PDE4D: variants seen among roughly 807,000 people sequenced by gnomAD.
PDE4D encodes 3',5'-cyclic-AMP phosphodiesterase 4D.
A neutral mutation model predicts 87.4 loss-of-function variants in PDE4D; 24 were observed. The ratio of observed to expected loss-of-function variants is 0.27; its 90% CI spans 0.20 to 0.39. PDE4D has a LOEUF of 0.39. Among genes scored for constraint, PDE4D ranks in the 10% least tolerant of loss-of-function variants. The pLI is 1.00. For missense variants in PDE4D, 714 were observed against 1,041.0 expected, an observed-to-expected ratio of 0.69 and a Z score of 4.32; for synonymous variants, 384 against 383.2, an observed-to-expected ratio of 1.00 and a Z score of -0.02.
chr5:59,141,554 C>T (rs1581026463), intron 5 of PDE4D, among the ~76,000 whole-genome samples: 3 of 152,310 alleles, frequency 2.0e-5, no homozygotes, highest in African/African-American at 7.2e-5. Context: ...GGCCTACTGC[C>T]TCACTTCACC....
chr5:59,135,167 T>A (rs1310313004), intron 5 of PDE4D, among the ~76,000 whole-genome samples: 1 of 152,232 alleles, frequency 6.6e-6, no homozygotes, highest in East Asian at 1.9e-4. Context: ...GATGTGCCCT[T>A]ACTCTGAAGG....
chr5:60,429,315 G>T (rs1002282151), intron 1 of PDE4D, among the ~76,000 whole-genome samples: 1 of 152,112 alleles, frequency 6.6e-6, no homozygotes, highest in Non-Finnish European at 1.5e-5. Context: ...GGACATTATC[G>T]GTGTAGAGAA....
intron 1 of PDE4D, among the ~76,000 whole-genome samples, chr5:59,394,372 T>C (rs1178390091): frequency 6.6e-6 from 1 of 152,228 alleles, no homozygotes; most frequent in East Asian, 1.9e-4. Context: ...GCATATTCTC[T>C]TCACTCACAT....
At chr5:60,447,892 C>T (rs1745777079) in intron 1 of PDE4D, among the ~76,000 whole-genome samples, 1 of 152,108 alleles carries the variant, frequency 6.6e-6, no homozygotes, top group African/African-American at 2.4e-5. Context: ...CAGAGAGTAT[C>T]TATCTTACTG....
At chr5:59,325,756 G>C (rs1243629155) in intron 1 of PDE4D, among the ~76,000 whole-genome samples, 1 of 152,098 alleles carries the variant, frequency 6.6e-6, no homozygotes, top group Non-Finnish European at 1.5e-5. Context: ...ACTATTGACA[G>C]TCTGCTTATT....
At chr5:59,765,992 G>C (rs1762741922) in intron 1 of PDE4D, among the ~76,000 whole-genome samples, 1 of 152,202 alleles carries the variant, frequency 6.6e-6, no homozygotes, top group African/African-American at 2.4e-5. Flanking sequence ...ATAGCGAATG[G>C]AGGGGAATAC....
At chr5:59,610,070 T>C (rs1397891900) in intron 1 of PDE4D, among the ~76,000 whole-genome samples, 1 of 152,150 alleles carries the variant, frequency 6.6e-6, no homozygotes, top group South Asian at 2.1e-4. Flanking sequence ...AGAACATTCA[T>C]AGCTGGAACA....
At chr5:60,126,211 A>C (rs529762089) in intron 2 of PDE4D, among the ~76,000 whole-genome samples, 201 of 152,208 alleles carry the variant, frequency 1.3e-3, no homozygotes, top group African/African-American at 4.6e-3. Flanking sequence ...TAAAAAAAAA[A>C]AAAAGGTTGT....
chr5:59,443,269 A>G (rs1284531863), intron 1 of PDE4D, among the ~76,000 whole-genome samples: 1 of 152,218 alleles, frequency 6.6e-6, no homozygotes, highest in Admixed American at 6.5e-5. Context: ...ATGCCTGAAA[A>G]AAAATTGATT....
chr5:59,414,585 A>C (rs1268324009), intron 1 of PDE4D, among the ~76,000 whole-genome samples: 1 of 152,236 alleles, frequency 6.6e-6, no homozygotes, highest in Non-Finnish European at 1.5e-5. Flanking sequence ...AGAAGGAGCC[A>C]GAAGAGTCAA....
chr5:59,444,891 G>A (rs1798134984), intron 1 of PDE4D, among the ~76,000 whole-genome samples: 1 of 152,118 alleles, frequency 6.6e-6, no homozygotes, highest in South Asian at 2.1e-4. Context: ...GATGGGGCAA[G>A]CATTCTCCAG....
At chr5:59,096,146 T>C (rs1208623820) in intron 5 of PDE4D, among the ~76,000 whole-genome samples, 1 of 152,040 alleles carries the variant, frequency 6.6e-6, no homozygotes, top group Admixed American at 6.6e-5. Flanking sequence ...CTGGGGAAGA[T>C]GAGGATGAGG....
intron 1 of PDE4D, among the ~76,000 whole-genome samples, chr5:60,294,986 G>A (rs187246417): frequency 6.7e-4 from 102 of 152,132 alleles, no homozygotes; most frequent in African/African-American, 2.4e-3. Context: ...TGAGTCTTCT[G>A]ATCAATGAGC....
At chr5:59,616,833 A>G (rs917499899) in intron 1 of PDE4D, among the ~76,000 whole-genome samples, 1 of 148,996 alleles carries the variant, frequency 6.7e-6, no homozygotes, top group Non-Finnish European at 1.5e-5. Flanking sequence ...GGGAAAGGAT[A>G]TCTATATATA....
Position 59,200,691 on chromosome 5 carries a change from A to G in PDE4D, c.648-7155T>C, listed in dbSNP as rs538109927. On this transcript the variant is annotated intron_variant, in intron 2 of 14. Transcript: ENST00000340635. ...TGTATAGATACACGTATACATACAT[A>G]TGTGTATGTATAGATACACGTATAC... Among the ~76,000 whole-genome samples the G allele has an allele frequency of 3.3e-4, 33 of 98,566 alleles. 2 individuals carry two copies. Among genetic ancestry groups the G allele is most frequent in the African/African-American group, 4.5e-4 (11 of 24,482 alleles). The allele number at this position is 98,566 out of a possible 152,430, so 64.7% of individuals were successfully genotyped here.
chr5:59,898,042 C>T (rs546756916), upstream of PDE4D, among the ~76,000 whole-genome samples: 15 of 152,244 alleles, frequency 9.9e-5, no homozygotes, highest in South Asian at 2.1e-4. Flanking sequence ...TTGTTTCCAA[C>T]GCAGTATATT....
At chr5:60,351,560 T>C (rs1419145068) in intron 1 of PDE4D, among the ~76,000 whole-genome samples, 1 of 151,998 alleles carries the variant, frequency 6.6e-6, no homozygotes, top group African/African-American at 2.4e-5. Flanking sequence ...GCTTAGAAAA[T>C]GGATAACAGA....
chr5:60,036,950 A>G (rs769041080), intron 2 of PDE4D, among the ~76,000 whole-genome samples: 27 of 152,196 alleles, frequency 1.8e-4, no homozygotes, highest in Non-Finnish European at 7.3e-5. Context: ...TGAAATCTGA[A>G]ATGTGTTCTA....
chr5:59,573,997 C>CAAA (rs11437091), intron 1 of PDE4D, among the ~76,000 whole-genome samples: 9,331 of 86,762 alleles, frequency 0.11, 923 homozygotes, highest in Admixed American at 0.14. Flanking sequence ...GACTCTGTCT[C>CAAA]AAAAAAAAAT....
Sources: allele counts gnomAD v4.1 joint callset (sites outside exome capture counted in the v4.1 genomes callset), GRCh38; gene constraint gnomAD v4.1.1; transcripts MANE v1.5; gene names NCBI Gene and HGNC (gene_info 2026-07-23, HGNC 2026-07-21).